PCDHGB1: variants seen among roughly 807,000 people sequenced by gnomAD.
PCDHGB1 encodes protocadherin gamma subfamily B, 1, also known as protocadherin gamma-B1.
Under a neutral mutation model 56.6 loss-of-function variants are expected in PCDHGB1, and 34 were observed. The ratio of observed to expected loss-of-function variants is 0.60; its 90% CI spans 0.46 to 0.80. PCDHGB1 has a LOEUF of 0.80. Ranked by LOEUF, PCDHGB1 falls within the 30% of genes least tolerant of loss-of-function variation. The probability of loss-of-function intolerance (pLI) is 0.00; values close to 1 mark genes in which losing one functional copy is unlikely to be tolerated. For missense variants in PCDHGB1, 1,278 were observed against 1,204.6 expected, an observed-to-expected ratio of 1.06 and a Z score of -0.90; for synonymous variants, 561 against 505.9, an observed-to-expected ratio of 1.11 and a Z score of -1.46.
rs1225265096 is a variant in PCDHGB1 at position 141,490,666 on chromosome 5, G to A, written c.2410-4141G>A. Reference sequence around the variant, plus strand: ...GCCTCCGGGCTCCCTTCTTTGCACTGTGGCTGCCTCAGATCCAGACACTGG... The same window carrying A: ...GCCTCCGGGCTCCCTTCTTTGCACTATGGCTGCCTCAGATCCAGACACTGG... On this transcript the variant is annotated intron_variant, in intron 1 of 3. Coordinates refer to ENST00000523390, the MANE Select transcript of PCDHGB1 (RefSeq NM_018922.3). The surrounding 1 kb of genome is among the most constrained non-coding windows in gnomAD (Gnocchi z 5.4). The A allele has an allele frequency of 1.2e-6, 2 of 1,614,134 alleles. No homozygotes were observed. The highest frequency in any genetic ancestry group is 3.3e-5 in the Admixed American group (2 of 60,026).
chr5:141,454,625 C>G (rs1193628253), intron 1 of PCDHGB1, among the ~76,000 whole-genome samples: 1 of 151,512 alleles, frequency 6.6e-6, no homozygotes, highest in Admixed American at 6.6e-5. Context: ...AGGCTGGTCT[C>G]GAACCCCCAA....
chr5:141,476,665 C>T lies in PCDHGB1; in HGVS notation c.2410-18142C>T. On this transcript the variant is annotated intron_variant, in intron 1 of 3. Coordinates refer to ENST00000523390, the MANE Select transcript of PCDHGB1 (RefSeq NM_018922.3). This position sits in a 1 kb window ranked among gnomAD's most constrained non-coding sequence, Gnocchi z 7.6. ...GCCGAAATGAATACTTTGCGCTTCG[C>T]GTGCAGACGCGGGAGGACAGCACCA... 6.2e-7 allele frequency: 1 copy of T among 1,614,240 alleles called. No homozygotes were observed. Among genetic ancestry groups the T allele is most frequent in the East Asian group, 2.2e-5 (1 of 44,882 alleles).
chr5:141,384,201 G>C (rs369190060), intron 1 of PCDHGB1: 30 of 1,613,802 alleles, frequency 1.9e-5, no homozygotes, highest in Non-Finnish European at 2.5e-5. Flanking sequence ...CCTTGTCCAG[G>C]GAAACTCACA....
intron 1 of PCDHGB1, among the ~76,000 whole-genome samples, chr5:141,438,623 T>C (rs1485045684): frequency 2.3e-4 from 10 of 42,840 alleles, no homozygotes; most frequent in Non-Finnish European, 3.8e-4. Flanking sequence ...TATATATATA[T>C]ATATATATAT....
intron 1 of PCDHGB1, chr5:141,423,216 G>A (rs376530221): frequency 1.2e-6 from 2 of 1,613,632 alleles, no homozygotes; most frequent in African/African-American, 2.7e-5. Flanking sequence ...CGCTCACCGT[G>A]GCTGTGGCCG....
In PCDHGB1 at chr5:141,511,979, T is replaced by C. The variant is rs1205375941; in HGVS notation, c.*806T>C. ...AGGAAGGGAAGTGTGTGGATGTGGA[T>C]GGTGGGGGCATGGACAAAGCTTGAC... On this transcript the variant is annotated 3_prime_UTR_variant, in exon 4 of 4. Transcript: ENST00000523390. The C allele has an allele frequency of 6.5e-5, 10 of 153,278 alleles. No individual in the cohort carries two copies. The highest frequency in any genetic ancestry group is 1.5e-4 in the Non-Finnish European group (10 of 68,568). The allele number at this position is 153,278 out of a possible 1,614,324, so 9.5% of individuals were successfully genotyped here.
At chr5:141,389,111 C>T (rs752785695) in intron 1 of PCDHGB1, 4 of 1,614,008 alleles carry the variant, frequency 2.5e-6, no homozygotes, top group South Asian at 1.1e-5. Flanking sequence ...CTGTTCTAGA[C>T]CGCGAGCAGA....
At chr5:141,376,171 G>C (rs758847977) in intron 1 of PCDHGB1, 5 of 1,614,096 alleles carry the variant, frequency 3.1e-6, no homozygotes. Flanking sequence ...TGGTGGTGGC[G>C]GTGGCCGCGG....
chr5:141,447,135 GT>G (rs905717632), intron 1 of PCDHGB1, among the ~76,000 whole-genome samples: 1 of 151,698 alleles, frequency 6.6e-6, no homozygotes, highest in South Asian at 2.1e-4. Flanking sequence ...TTGTTTGTTT[GT>G]TTTTTGTTTT....
intron 1 of PCDHGB1, chr5:141,413,265 T>A (rs1301684620): frequency 6.2e-7 from 1 of 1,613,840 alleles, no homozygotes; most frequent in African/African-American, 1.3e-5. Context: ...CATGGGAGGC[T>A]GGAGCCCGGC....
intron 1 of PCDHGB1, among the ~76,000 whole-genome samples, chr5:141,454,658 G>T (rs961640658): frequency 1.3e-5 from 2 of 151,812 alleles, no homozygotes; most frequent in Non-Finnish European, 2.9e-5. Flanking sequence ...TGCCCACCTC[G>T]GCCTCCCAAA....
chr5:141,351,417 T>A lies in PCDHGB1; in HGVS notation c.1157T>A (p.Val386Asp), dbSNP rs1401695634. The change falls in exon 1 of 4, where the codon GTT (valine) becomes GAT (aspartate). Residue 386 changes from valine to aspartate, a missense_variant. Physicochemically the swap from Val to Asp is radical, Grantham distance 152. Transcript: ENST00000523390. ...GTGACATGCTATACTCAGGAAGAAG[T>A]TCCTTTCAAATTAGAATCCACCTCG... Reference protein sequence around the residue: ...GMVTCYTQEEVPFKLESTSKN... With the variant: ...GMVTCYTQEEDPFKLESTSKN... The A allele has an allele frequency of 6.2e-7, 1 of 1,611,340 alleles. No individual in the cohort carries two copies. The highest frequency in any genetic ancestry group is 1.3e-5 in the African/African-American group (1 of 74,840).
At position 141,486,418 on chromosome 5, in the gene PCDHGB1, A is replaced by G. The variant is rs1174910867; in HGVS notation, c.2410-8389A>G. On this transcript the variant is annotated intron_variant, in intron 1 of 3. Transcript: ENST00000523390. This position sits in a 1 kb window ranked among gnomAD's most constrained non-coding sequence, Gnocchi z 5.0. ...TGGTGACTGCTGGACCCTTGGATCG[A>G]GAGGCCAAATCTAGCTATGACATCA... is the stretch of plus-strand genomic sequence containing the variant. The G allele has an allele frequency of 3.7e-6, 6 of 1,614,176 alleles. No individual in the cohort carries two copies. Among genetic ancestry groups the G allele is most frequent in the Non-Finnish European group, 5.1e-6 (6 of 1,180,020 alleles).
intron 1 of PCDHGB1, chr5:141,362,646 A>G: frequency 1.4e-6 from 2 of 1,452,328 alleles, no homozygotes; most frequent in Non-Finnish European, 1.8e-6. Context: ...TTTGTCTGTG[A>G]GTTAGATTTG....
chr5:141,402,842 A>G, intron 1 of PCDHGB1: 1 of 1,396,816 alleles, frequency 7.2e-7, no homozygotes, highest in Non-Finnish European at 9.4e-7. Flanking sequence ...AGCAAAACTC[A>G]GCCTCTTTCT....
In PCDHGB1 at chr5:141,432,272, G is replaced by A. The variant is rs772255343; in HGVS notation, c.2410-62535G>A. On this transcript the variant is annotated intron_variant, in intron 1 of 3. Transcript: ENST00000523390. The surrounding 1 kb of genome is among the most constrained non-coding windows in gnomAD (Gnocchi z 6.0). ...CCAAGGGGCAAGCCTATCGTCCTAC[G>A]TGTCCATCAACTCCGACACTGGGGT... 1 of 1,614,210 alleles carries A rather than the reference G, an allele frequency of 6.2e-7. No individual in the cohort carries two copies. Among genetic ancestry groups the A allele is most frequent in the South Asian group, 1.1e-5 (1 of 91,086 alleles).
chr5:141,428,169 G>A (rs758370904), intron 1 of PCDHGB1: 1 of 1,540,076 alleles, frequency 6.5e-7, no homozygotes, highest in Non-Finnish European at 8.9e-7. Flanking sequence ...GTTGCTGTGC[G>A]TGACGGAGGA....
At chr5:141,361,783 G>T (rs375966726) in intron 1 of PCDHGB1, 2 of 1,613,244 alleles carry the variant, frequency 1.2e-6, no homozygotes, top group Non-Finnish European at 1.7e-6. Flanking sequence ...GAGCCTGCGC[G>T]TGTTAGTGGG....
chr5:141,403,950 T>C (rs771679747), intron 1 of PCDHGB1: 13 of 1,613,706 alleles, frequency 8.1e-6, no homozygotes, highest in Non-Finnish European at 1.1e-5. Context: ...TGGACAAAAG[T>C]GCTCATTTCG....
Sources: allele counts gnomAD v4.1 joint callset (sites outside exome capture counted in the v4.1 genomes callset), GRCh38; gene constraint gnomAD v4.1.1; non-coding constraint Gnocchi (gnomAD v3.1); transcripts MANE v1.5; gene names NCBI Gene and HGNC (gene_info 2026-07-23, HGNC 2026-07-21).